REEP3: variants seen among roughly 807,000 people sequenced by gnomAD.
REEP3 encodes the protein receptor expression-enhancing protein 3.
REEP3 carries 20 observed loss-of-function variants against 41.3 expected under a neutral mutation model. The ratio of observed to expected loss-of-function variants is 0.48; its 90% CI spans 0.34 to 0.70. The LOEUF is 0.70. Ranked by LOEUF, REEP3 falls within the 30% of genes least tolerant of loss-of-function variation. The pLI is 0.01. For missense variants in REEP3, 271 were observed against 308.8 expected (o/e 0.88, Z 0.92); for synonymous variants, 104 against 101.8 (o/e 1.02, Z -0.13).
At chr10:63,599,940 G>C (rs1473315357) in intron 5 of REEP3, among the ~76,000 whole-genome samples, 2 of 152,246 alleles carry the variant, frequency 1.3e-5, no homozygotes, top group East Asian at 3.9e-4. Flanking sequence ...AAAGAAAATA[G>C]CCTTCTGTGT....
At chr10:63,616,818 GA>G (rs1212876992) in intron 6 of REEP3, among the ~76,000 whole-genome samples, 2 of 151,904 alleles carry the variant, frequency 1.3e-5, no homozygotes. Flanking sequence ...ATCTAGAAAT[GA>G]CAACCTAAAC....
Position 63,533,710 on chromosome 10 carries a change from C to CTTTTTTT in REEP3, c.32+12142_32+12148dup, listed in dbSNP as rs71025187. Among the ~76,000 whole-genome samples, 76 of 101,138 alleles carry CTTTTTTT rather than the reference C, an allele frequency of 7.5e-4. 12 individuals are homozygous for CTTTTTTT. In the East Asian group the frequency reaches 0.013, roughly 17 times the overall value. The allele number at this position is 101,138 out of a possible 152,430, so 66.4% of individuals were successfully genotyped here. ...GAAAGAGCCTTGGAAGTATGTAAATCTTTTTTTTTTTTTTTGAGACGGAGT... is the reference window on the plus strand; with the variant it reads ...GAAAGAGCCTTGGAAGTATGTAAATCTTTTTTTTTTTTTTTTTTTTTTGAGACGGAGT... On this transcript the variant is annotated intron_variant, in intron 1 of 7. Transcript: ENST00000373758.
Position 63,566,304 on chromosome 10 carries a change from G to C in REEP3, c.33-34G>C, listed in dbSNP as rs771877147. On this transcript the variant is annotated intron_variant, in intron 1 of 7. Transcript: ENST00000373758. ...TATGAGCTGTTTAAAACATTGTTGTGTTTGAACAGTATTCTCATTTTTTTT... is the reference window on the plus strand; with the variant it reads ...TATGAGCTGTTTAAAACATTGTTGTCTTTGAACAGTATTCTCATTTTTTTT... 6.5e-6 allele frequency: 8 copies of C among 1,222,886 alleles called. No homozygotes were observed. The East Asian group carries it at 2.0e-4, about 31-fold the overall frequency. The allele number at this position is 1,222,886 out of a possible 1,614,324, so 75.8% of individuals were successfully genotyped here.
At chr10:63,610,823 C>T (rs1157239341) in intron 6 of REEP3, among the ~76,000 whole-genome samples, 1 of 152,148 alleles carries the variant, frequency 6.6e-6, no homozygotes, top group African/African-American at 2.4e-5. Context: ...TTAATCCCAG[C>T]ACTTTGGGAG....
rs556696297 is a variant in REEP3, at chr10:63,595,286, G to A, written c.182+432G>A. Among the ~76,000 whole-genome samples the A allele has an allele frequency of 1.8e-3, 276 of 152,278 alleles. 1 individual carries two copies. The highest frequency in any genetic ancestry group is 2.4e-3 in the Admixed American group (37 of 15,306). On this transcript the variant is annotated intron_variant, in intron 3 of 7. Transcript: ENST00000373758. ...TGAACTGGAAAACGTCAGCACCCAC[G>A]TGGACACCCACTCAGCACTAGCTTC...
chr10:63,609,185 G>T (rs565864671), intron 5 of REEP3, among the ~76,000 whole-genome samples: 58 of 152,206 alleles, frequency 3.8e-4, no homozygotes, highest in East Asian at 1.5e-3. Context: ...GGGCACGGTG[G>T]CTCACGTCTG....
In REEP3 at chr10:63,610,304, A is replaced by G. The variant is rs755466573; in HGVS notation, c.535A>G (p.Lys179Glu). ...CCAACCTCTACCAGAAGCAAAAAAGAAAAGTAAACCAGCCCCCAGTGAATC... is the reference window on the plus strand; with the variant it reads ...CCAACCTCTACCAGAAGCAAAAAAGGAAAGTAAACCAGCCCCCAGTGAATC... ...PYQPLPEAKKKSKPAPSESAG... is the reference protein window; with the variant it reads ...PYQPLPEAKKESKPAPSESAG... The change falls in exon 6 of 8, where the codon AAA becomes GAA. Residue 179 changes from lysine to glutamate, a missense_variant. Lys to Glu is a moderately conservative substitution (Grantham distance 56). Transcript: ENST00000373758. 3.8e-6 allele frequency: 6 copies of G among 1,563,422 alleles called. No individual in the cohort carries two copies. Among genetic ancestry groups the G allele is most frequent in the East Asian group, 2.3e-5 (1 of 42,558 alleles).
chr10:63,551,516 G>A lies in REEP3; in HGVS notation c.33-14822G>A, dbSNP rs142646027. On this transcript the variant is annotated intron_variant, in intron 1 of 7. Coordinates refer to ENST00000373758, the MANE Select transcript of REEP3 (RefSeq NM_001001330.3). Reference sequence around the variant, plus strand: ...AAAAAACGTGGTATGTAAATCTGGGGAGGGGCGCCAGTAACTTTACCTAAC... The same window carrying A: ...AAAAAACGTGGTATGTAAATCTGGGAAGGGGCGCCAGTAACTTTACCTAAC... Among the ~76,000 whole-genome samples, 331 of 152,180 alleles carry A rather than the reference G, an allele frequency of 2.2e-3. 3 individuals are homozygous for A. The South Asian group carries it at 0.028, about 13-fold the overall frequency.
At chr10:63,540,112 A>C (rs1955515585) in intron 1 of REEP3, among the ~76,000 whole-genome samples, 2 of 152,206 alleles carry the variant, frequency 1.3e-5, no homozygotes, top group Non-Finnish European at 2.9e-5. Context: ...AGTGGCCTAT[A>C]AGGAAGTGAT....
chr10:63,584,429 T>TAA (rs1265296575), intron 2 of REEP3, among the ~76,000 whole-genome samples: 9 of 22,832 alleles, frequency 3.9e-4, no homozygotes, highest in Admixed American at 2.5e-3. Flanking sequence ...CCCCATCTTT[T>TAA]TAAAAAAAAA....
intron 1 of REEP3, among the ~76,000 whole-genome samples, chr10:63,555,226 T>C (rs547603168): frequency 2.0e-5 from 3 of 152,164 alleles, no homozygotes; most frequent in Admixed American, 1.3e-4. Flanking sequence ...GACCTTTGGT[T>C]ATAGAATTCA....
chr10:63,570,971 AG>A (rs1955846760), intron 2 of REEP3, among the ~76,000 whole-genome samples: 1 of 152,052 alleles, frequency 6.6e-6, no homozygotes, highest in Admixed American at 6.6e-5. Context: ...AAAAATTAGC[AG>A]GGCATGGTGG....
intron 1 of REEP3, among the ~76,000 whole-genome samples, chr10:63,540,334 C>G (rs894775391): frequency 2.0e-5 from 3 of 152,168 alleles, no homozygotes. Context: ...GGCTGTACAG[C>G]ACATTTGTAG....
At chr10:63,527,699 A>T (rs540064472) in intron 1 of REEP3, among the ~76,000 whole-genome samples, 28 of 152,042 alleles carry the variant, frequency 1.8e-4, no homozygotes, top group African/African-American at 6.3e-4. Flanking sequence ...AAGAAAAATA[A>T]TTTTTTTAAA....
intron 1 of REEP3, among the ~76,000 whole-genome samples, chr10:63,558,244 G>A (rs756715542): frequency 2.0e-5 from 3 of 152,184 alleles, no homozygotes; most frequent in Non-Finnish European, 4.4e-5. Flanking sequence ...TGACAGATAG[G>A]TTTACCTAGC....
At chr10:63,543,920 G>A (rs1182458971) in intron 1 of REEP3, among the ~76,000 whole-genome samples, 2 of 152,110 alleles carry the variant, frequency 1.3e-5, no homozygotes, top group East Asian at 3.8e-4. Flanking sequence ...TTATTGTTAC[G>A]TTTTTAGAGA....
rs1956376360 is a variant in REEP3 at position 63,623,929 on chromosome 10, G to A, written c.*3060G>A. ...TGTCACCACCAAAGATTTCTACAGT[G>A]TTATAAAGTATATAAATATTCCAAA... On this transcript the variant is annotated 3_prime_UTR_variant, in exon 8 of 8. Coordinates refer to ENST00000373758, the MANE Select transcript of REEP3 (RefSeq NM_001001330.3). 1 of 153,656 alleles carries A rather than the reference G, an allele frequency of 6.5e-6. No homozygotes were observed. The highest frequency in any genetic ancestry group is 6.6e-5 in the Admixed American group (1 of 15,256). 9.5% of individuals were successfully genotyped at this position (153,656 alleles called of 1,614,324 possible). A position where few individuals can be genotyped will look rare whatever the true frequency, so the allele number is the denominator to read the frequency against.
At chr10:63,572,014 C>T (rs1459485646) in intron 2 of REEP3, among the ~76,000 whole-genome samples, 2 of 152,122 alleles carry the variant, frequency 1.3e-5, no homozygotes, top group Non-Finnish European at 2.9e-5. Flanking sequence ...CAAAGCTGGA[C>T]GTTCGGGGGC....
chr10:63,546,290 G>A (rs1204587375), intron 1 of REEP3, among the ~76,000 whole-genome samples: 3 of 152,348 alleles, frequency 2.0e-5, no homozygotes, highest in South Asian at 2.1e-4. Context: ...ATAAACCAGC[G>A]AGTAGTGGTG....
Sources: allele counts gnomAD v4.1 joint callset (sites outside exome capture counted in the v4.1 genomes callset), GRCh38; gene constraint gnomAD v4.1.1; transcripts MANE v1.5; gene names NCBI Gene and HGNC (gene_info 2026-07-23, HGNC 2026-07-21).